Variants in ZNF732 observed in about 807,000 individuals in gnomAD.
ZNF732 encodes zinc finger protein 732.
Under a neutral mutation model 11.5 loss-of-function variants are expected in ZNF732, and 12 were observed. The ratio of observed to expected loss-of-function variants is 1.05; its 90% confidence interval spans 0.67 to 1.70. ZNF732 has a LOEUF of 1.70. Among genes scored for constraint, ZNF732 ranks in the 40% most tolerant of loss-of-function variants. The pLI is 0.00. For synonymous variants in ZNF732, 231 were observed against 236.5 expected (o/e 0.98, Z 0.21); for missense variants, 702 against 676.9 (o/e 1.04, Z -0.41).
In ZNF732 at chr4:271,315, G is replaced by T. The variant is rs781969293; in HGVS notation, c.1542C>A (p.Ser514=). The change falls in exon 4 of 4, where the codon TCC becomes TCA. Residue 514 remains serine (S), a synonymous_variant. Transcript: ENST00000419098. ...CEECGKAFGW[S]TYLSKHKKIH... ...TTTTCTTATGTTTACTCAGGTATGTGGACCATCCAAAGGCTTTGCCACACT... is the reference window on the plus strand; with the variant it reads ...TTTTCTTATGTTTACTCAGGTATGTTGACCATCCAAAGGCTTTGCCACACT... 4 of 1,596,286 alleles carry T rather than the reference G, an allele frequency of 2.5e-6. No homozygotes were observed. The highest frequency in any genetic ancestry group is 1.8e-5 in the Admixed American group (1 of 57,100).
chr4:289,863 G>C (rs58644592), intron 3 of ZNF732, among the ~76,000 whole-genome samples: 9,240 of 152,154 alleles, frequency 0.061, 474 homozygotes, highest in African/African-American at 0.14. Flanking sequence ...ACCTCCATGA[G>C]GGCTTGTAAT....
At chr4:300,575 T>TAAAA (rs1553843462) in intron 1 of ZNF732, among the ~76,000 whole-genome samples, 1 of 152,190 alleles carries the variant, frequency 6.6e-6, no homozygotes, top group African/African-American at 2.4e-5. Context: ...TGGTCTCATT[T>TAAAA]TAACACATCA....
Position 272,355 on chromosome 4 carries a change from G to A in ZNF732, c.502C>T (p.His168Tyr), listed in dbSNP as rs1272063730. Reference sequence around the variant, plus strand: ...AATGACTTGCCACATTCTTTAAAGTGTTTCTCTCCAGTATGTCTTATCCTA... The same window carrying A: ...AATGACTTGCCACATTCTTTAAAGTATTTCTCTCCAGTATGTCTTATCCTA... ...QRRIRHTGEK[H>Y]FKECGKSFQK... Residue 168 changes from histidine to tyrosine, a missense_variant, in exon 4 of 4, where the codon CAC becomes TAC. Transcript: ENST00000419098. The A allele has an allele frequency of 1.9e-6, 3 of 1,607,336 alleles. No homozygotes were observed. The highest frequency in any genetic ancestry group is 2.6e-6 in the Non-Finnish European group (3 of 1,176,232).
chr4:271,655 C>T lies in ZNF732; in HGVS notation c.1202G>A (p.Arg401Gln), dbSNP rs61792081. ...TCEECGKAFS[R>Q]FTTLNEHKRI... is the part of the protein sequence containing the mutation. ...CTTATGTTCATTAAGGGTTGTGAACCGACTAAAGGCTTTTCCACATTCTTC... is the reference window on the plus strand; with the variant it reads ...CTTATGTTCATTAAGGGTTGTGAACTGACTAAAGGCTTTTCCACATTCTTC... Residue 401 changes from arginine to glutamine, a missense_variant, in exon 4 of 4, where the codon CGG becomes CAG. This residue lies in a region of ZNF732 where 596 missense variants were observed against 557.9 expected (regional missense o/e 1.07). Coordinates refer to ENST00000419098, the MANE Select transcript of ZNF732 (RefSeq NM_001137608.3). 14 of 1,609,876 alleles carry T rather than the reference C, an allele frequency of 8.7e-6. No homozygotes were observed. The highest frequency in any genetic ancestry group is 3.3e-5 in the South Asian group (3 of 90,622).
chr4:276,370 A>C lies in ZNF732; in HGVS notation c.227-3740T>G, dbSNP rs527716413. ...CTGAATGCTGTCATAGACAATAATA[A>C]TACTAAATAAAAGCATCCTTGTTGT... On this transcript the variant is annotated intron_variant, in intron 3 of 3. Transcript: ENST00000419098. Among the ~76,000 whole-genome samples, 14 of 152,004 alleles carry C rather than the reference A, an allele frequency of 9.2e-5. No homozygotes were observed. The East Asian group carries it at 1.2e-3, about 13-fold the overall frequency.
chr4:293,401 G>A (rs1719886203), intron 3 of ZNF732, among the ~76,000 whole-genome samples: 1 of 151,320 alleles, frequency 6.6e-6, no homozygotes, highest in Admixed American at 6.6e-5. Flanking sequence ...AGACCTGGAG[G>A]AAATGATGCT....
At chr4:273,521 C>T (rs1340212758) in intron 3 of ZNF732, among the ~76,000 whole-genome samples, 5 of 151,388 alleles carry the variant, frequency 3.3e-5, no homozygotes, top group South Asian at 2.1e-4. Flanking sequence ...AATGGAAACA[C>T]GTACAACTAA....
At chr4:275,488 G>A (rs914503503) in intron 3 of ZNF732, among the ~76,000 whole-genome samples, 1 of 151,752 alleles carries the variant, frequency 6.6e-6, no homozygotes, top group South Asian at 2.1e-4. Flanking sequence ...CACAGCTCCT[G>A]ATTTCAAAAC....
At chr4:295,856 T>C (rs1163737984) in intron 2 of ZNF732, among the ~76,000 whole-genome samples, 173 bp downstream of exon 2, 1 of 152,202 alleles carries the variant, frequency 6.6e-6, no homozygotes, top group Non-Finnish European at 1.5e-5. Context: ...AAGGTTTACG[T>C]AAAGATAAAA....
In ZNF732 at chr4:271,992, A is replaced by T. The variant is rs782732130; in HGVS notation, c.865T>A (p.Ser289Thr). ...TCEECGKIIT[S>T]SSNVAKHKKI... The stretch of plus-strand genomic sequence containing the variant: ...TTATGTTTGGCAACATTTGAGGATG[A>T]GGTAATGATTTTGCCACATTCTTCA... Residue 289 changes from serine to threonine, a missense_variant, in exon 4 of 4, where the codon TCA becomes ACA. Transcript: ENST00000419098. The T allele has an allele frequency of 3.7e-6, 6 of 1,606,972 alleles. No homozygotes were observed. Among genetic ancestry groups the T allele is most frequent in the Non-Finnish European group, 5.1e-6 (6 of 1,176,766 alleles).
rs1553838082 is a variant in ZNF732, at chr4:272,679, A to G, written c.227-49T>C. ...TCCTGCTTACTAGATTCATACGAAT[A>G]TACTTTAAAAATCTAATATATAAAC... On this transcript the variant is annotated intron_variant, in intron 3 of 3. Coordinates refer to ENST00000419098, the MANE Select transcript of ZNF732 (RefSeq NM_001137608.3). The G allele has an allele frequency of 5.0e-6, 7 of 1,405,654 alleles. No homozygotes were observed. In the South Asian group the frequency reaches 1.2e-4, roughly 24 times the overall value. 87.1% of individuals were successfully genotyped at this position (1,405,654 alleles called of 1,614,324 possible).
At chr4:299,543 A>G (rs1720064613) in intron 1 of ZNF732, among the ~76,000 whole-genome samples, 2 of 137,464 alleles carry the variant, frequency 1.5e-5, no homozygotes, top group Non-Finnish European at 3.1e-5. Context: ...ACATATATAC[A>G]CATATATATG....
In ZNF732 at chr4:299,391, GTACACATA is replaced by G. The variant is rs1560165049; in HGVS notation, c.4-3244_4-3237del. 4.2e-4 allele frequency among the ~76,000 whole-genome samples: 13 copies of G among 30,756 alleles called. 1 individual carries two copies. The highest frequency in any genetic ancestry group is 5.8e-4 in the African/African-American group (6 of 10,306). 20.2% of individuals were successfully genotyped at this position (30,756 alleles called of 152,430 possible). ...TATGTGTATATATATATACACATAT[GTACACATA>G]TGTGTATATATATATACACATATAT... On this transcript the variant is annotated intron_variant, in intron 1 of 3. Transcript: ENST00000419098.
At chr4:300,469 A>G (rs551563936) in intron 1 of ZNF732, among the ~76,000 whole-genome samples, 2,037 of 151,348 alleles carry the variant, frequency 0.013, 58 homozygotes, top group African/African-American at 0.047. Context: ...AAAAAAAAAA[A>G]AAAAAGAAAA....
chr4:288,099 T>C (rs1158105416), intron 3 of ZNF732, among the ~76,000 whole-genome samples: 2 of 152,226 alleles, frequency 1.3e-5, no homozygotes, highest in African/African-American at 4.8e-5. Context: ...TCTTGTCTAT[T>C]TGTTAATCAT....
chr4:293,837 C>T (rs1553841769), intron 3 of ZNF732, among the ~76,000 whole-genome samples: 1 of 151,878 alleles, frequency 6.6e-6, no homozygotes, highest in African/African-American at 2.4e-5. Flanking sequence ...TATAGTTATA[C>T]TATTTTTATT....
intron 3 of ZNF732, among the ~76,000 whole-genome samples, chr4:290,643 A>G (rs1719826725): frequency 6.6e-6 from 1 of 152,108 alleles, no homozygotes; most frequent in Admixed American, 6.5e-5. Flanking sequence ...CCATTCATAC[A>G]CCTGTTATTT....
intron 3 of ZNF732, among the ~76,000 whole-genome samples, chr4:292,482 G>A (rs977722132): frequency 4.6e-5 from 7 of 151,072 alleles, no homozygotes; most frequent in Non-Finnish European, 8.8e-5. Context: ...ACTTGATCCC[G>A]GGAGGCAGAG....
intron 1 of ZNF732, among the ~76,000 whole-genome samples, chr4:304,225 T>C (rs1720178746): frequency 1.3e-5 from 2 of 151,992 alleles, no homozygotes; most frequent in African/African-American, 4.8e-5. Flanking sequence ...CGGGAGTGGG[T>C]TAGCATTAAG....
Sources: gnomAD v4.1 joint callset for allele counts (sites outside exome capture counted in the v4.1 genomes callset) on GRCh38, gnomAD v4.1.1 for gene constraint, gnomAD v4.1.1 regional missense constraint, MANE v1.5 for transcripts, NCBI Gene and HGNC (gene_info 2026-07-23, HGNC 2026-07-21) for gene names.